Variants in NLGN1 observed in about 807,000 individuals in gnomAD.
The protein encoded by NLGN1 is neuroligin-1.
A neutral mutation model predicts 65.5 loss-of-function variants in NLGN1; 12 were observed. That is an observed-to-expected ratio of 0.18 (90% confidence interval 0.12 to 0.30). The LOEUF (loss-of-function observed/expected upper bound fraction) is 0.30. Ranked by LOEUF, NLGN1 falls within the 10% of genes least tolerant of loss-of-function variation. NLGN1 has a pLI of 1.00. For missense variants in NLGN1, 750 were observed against 1,007.1 expected (o/e 0.74, Z 3.46); for synonymous variants, 350 against 359.5 (o/e 0.97, Z 0.30).
chr3:173,498,740 G>A (rs528829468), intron 2 of NLGN1, among the ~76,000 whole-genome samples: 5 of 151,776 alleles, frequency 3.3e-5, no homozygotes, highest in Admixed American at 6.6e-5. Context: ...TTTAATGATC[G>A]CCATTCTAAC....
intron 4 of NLGN1, among the ~76,000 whole-genome samples, chr3:173,903,256 G>A (rs1226109071): frequency 6.6e-6 from 1 of 152,054 alleles, no homozygotes; most frequent in African/African-American, 2.4e-5. Flanking sequence ...TGGATCTAAG[G>A]AAAAGGGATT....
chr3:173,967,965 G>A (rs920992287), intron 4 of NLGN1, among the ~76,000 whole-genome samples: 2 of 152,068 alleles, frequency 1.3e-5, no homozygotes, highest in Non-Finnish European at 2.9e-5. Flanking sequence ...TGGATTTCAG[G>A]GCCTTTGAGC....
At chr3:173,509,879 C>T (rs1732643434) in intron 2 of NLGN1, among the ~76,000 whole-genome samples, 1 of 152,010 alleles carries the variant, frequency 6.6e-6, no homozygotes, top group African/African-American at 2.4e-5. Flanking sequence ...GTTTTGATAT[C>T]TTTTGCACCA....
chr3:173,493,309 A>G (rs1729484686), intron 2 of NLGN1, among the ~76,000 whole-genome samples: 1 of 151,708 alleles, frequency 6.6e-6, no homozygotes, highest in Non-Finnish European at 1.5e-5. Context: ...TATTTTGCCT[A>G]CTAGTGAAGG....
At chr3:173,416,777 A>T (rs1349270886) in intron 1 of NLGN1, among the ~76,000 whole-genome samples, 1 of 152,182 alleles carries the variant, frequency 6.6e-6, no homozygotes, top group African/African-American at 2.4e-5. Context: ...TTAAATGGAT[A>T]CTGATATGGC....
chr3:173,924,268 A>C (rs901460015), intron 4 of NLGN1, among the ~76,000 whole-genome samples: 7 of 152,162 alleles, frequency 4.6e-5, no homozygotes, highest in Non-Finnish European at 1.0e-4. Flanking sequence ...ATTTCTATTT[A>C]TATACATATT....
chr3:174,247,194 A>G (rs962631486), intron 4 of NLGN1, among the ~76,000 whole-genome samples: 10 of 152,212 alleles, frequency 6.6e-5, no homozygotes, highest in African/African-American at 9.6e-5. Context: ...TTGGAGATCA[A>G]TATCAAAGGT....
At chr3:173,825,612 C>T (rs1423001760) in intron 4 of NLGN1, among the ~76,000 whole-genome samples, 1 of 152,050 alleles carries the variant, frequency 6.6e-6, no homozygotes, top group Admixed American at 6.6e-5. Context: ...TTAGTGGAAG[C>T]TTACCTCTAT....
exon 7 of NLGN1, chr3:174,281,055 C>A: frequency 1.2e-6 from 2 of 1,613,294 alleles, no homozygotes; most frequent in Non-Finnish European, 1.7e-6. Flanking sequence ...TGATTTGGAT[C>A]ATGAATGTGA....
At chr3:173,586,567 T>G (rs1412420454) in intron 2 of NLGN1, among the ~76,000 whole-genome samples, 2 of 152,242 alleles carry the variant, frequency 1.3e-5, no homozygotes, top group Non-Finnish European at 1.5e-5. Context: ...ATAAAACTTT[T>G]GTCTCCCAGG....
At chr3:173,568,397 C>G (rs1364209978) in intron 2 of NLGN1, among the ~76,000 whole-genome samples, 2 of 151,978 alleles carry the variant, frequency 1.3e-5, no homozygotes, top group Non-Finnish European at 2.9e-5. Flanking sequence ...CCAGGCCTGG[C>G]TAATTTTTGT....
intron 4 of NLGN1, among the ~76,000 whole-genome samples, chr3:173,905,829 C>G (rs1358219711): frequency 6.6e-6 from 1 of 152,170 alleles, no homozygotes. Context: ...GGGGTTCTGA[C>G]AACTCTTATC....
At chr3:173,723,470 A>G (rs1053711184) in intron 3 of NLGN1, among the ~76,000 whole-genome samples, 26 of 152,250 alleles carry the variant, frequency 1.7e-4, no homozygotes, top group South Asian at 4.1e-4. Context: ...TACATACACA[A>G]TAACTTCTCA....
intron 4 of NLGN1, among the ~76,000 whole-genome samples, chr3:174,189,644 T>A (rs187387210): frequency 6.6e-6 from 1 of 152,092 alleles, no homozygotes; most frequent in East Asian, 1.9e-4. Flanking sequence ...TTGCAACTAA[T>A]AGAACTCATT....
intron 4 of NLGN1, among the ~76,000 whole-genome samples, chr3:174,220,773 T>C (rs1055586895): frequency 7.9e-5 from 12 of 152,170 alleles, no homozygotes; most frequent in Non-Finnish European, 7.4e-5. Context: ...TATAGCCTTA[T>C]ATCTTATTAT....
intron 3 of NLGN1, among the ~76,000 whole-genome samples, chr3:173,768,035 C>A (rs1421807522): frequency 1.3e-5 from 2 of 151,796 alleles, no homozygotes; most frequent in Admixed American, 1.3e-4. Context: ...AAGAAACAAG[C>A]TTCTCATATT....
chr3:173,701,934 A>T (rs1369261460), intron 3 of NLGN1, among the ~76,000 whole-genome samples: 5 of 152,202 alleles, frequency 3.3e-5, no homozygotes, highest in African/African-American at 1.2e-4. Context: ...TTGCATACAA[A>T]AGTCATGTTT....
chr3:173,895,190 T>C (rs1393078040), intron 4 of NLGN1, among the ~76,000 whole-genome samples: 1 of 152,148 alleles, frequency 6.6e-6, no homozygotes, highest in Non-Finnish European at 1.5e-5. Context: ...GCCTCCTCTT[T>C]CCTCTTGCAT....
chr3:173,820,398 C>T (rs1720043110), intron 4 of NLGN1, among the ~76,000 whole-genome samples: 1 of 152,052 alleles, frequency 6.6e-6, no homozygotes, highest in Non-Finnish European at 1.5e-5. Flanking sequence ...TAAGTGAAAG[C>T]GTTGGTGCTC....
Sources: allele counts gnomAD v4.1 joint callset (sites outside exome capture counted in the v4.1 genomes callset), GRCh38; gene constraint gnomAD v4.1.1; transcripts MANE v1.5; gene names NCBI Gene and HGNC (gene_info 2026-07-23, HGNC 2026-07-21).